The following TLN2 variants were observed in gnomAD, a reference collection of about 807,000 sequenced individuals.
The protein encoded by TLN2 is talin-2.
Under a neutral mutation model 294.7 loss-of-function variants are expected in TLN2, and 118 were observed. That is an observed-to-expected ratio of 0.40 (90% CI 0.34 to 0.47). The LOEUF is 0.47. Among genes scored for constraint, TLN2 ranks in the 20% least tolerant of loss-of-function variants. TLN2 has a pLI of 0.84. For synonymous variants in TLN2, 1,431 were observed against 1,304.5 expected (o/e 1.10, Z -2.09); for missense variants, 3,083 against 3,282.2 (o/e 0.94, Z 1.48).
At chr15:62,793,057 G>A (rs572515817) in intron 46 of TLN2, among the ~76,000 whole-genome samples, 4 of 152,310 alleles carry the variant, frequency 2.6e-5, no homozygotes, top group South Asian at 4.2e-4. Flanking sequence ...GGGCTTCCCC[G>A]TAGGCAGATT....
chr15:62,762,090 A>G (rs930078411), intron 38 of TLN2, among the ~76,000 whole-genome samples, 182 bp from the exon 39 acceptor site: 27 of 152,214 alleles, frequency 1.8e-4, no homozygotes, highest in African/African-American at 6.5e-4. Flanking sequence ...TTAAGGGGCA[A>G]ACATGGGCTT....
At chr15:62,418,642 AAG>A (rs1320519341) in intron 1 of TLN2, among the ~76,000 whole-genome samples, 3 of 152,338 alleles carry the variant, frequency 2.0e-5, no homozygotes, top group African/African-American at 4.8e-5. Context: ...TGAGTCAGAA[AAG>A]AGAGTCAGTA....
Position 62,717,595 on chromosome 15 carries a change from C to T in TLN2, c.2783C>T (p.Ala928Val). ...CTGCAGGTTGCAGCCAAGCAGGCCG[C>T]AGCGGCAGCCACACAGACCATCGCC... ...NRLEVAAKQAAAAATQTIAAS... is the reference protein window; with the variant it reads ...NRLEVAAKQAVAAATQTIAAS... The change falls in exon 24 of 59, where the codon GCA (alanine) becomes GTA (valine). Residue 928 changes from alanine to valine, a missense_variant. By Grantham distance (64) the Ala-to-Val change is moderately conservative. Coordinates refer to ENST00000636159, the MANE Select transcript of TLN2 (RefSeq NM_015059.3). 1 of 1,583,854 alleles carries T rather than the reference C, an allele frequency of 6.3e-7. No individual in the cohort carries two copies. The highest frequency in any genetic ancestry group is 8.6e-7 in the Non-Finnish European group (1 of 1,168,420).
chr15:62,575,943 G>A (rs2044356789), intron 1 of TLN2, among the ~76,000 whole-genome samples: 1 of 152,152 alleles, frequency 6.6e-6, no homozygotes, highest in Non-Finnish European at 1.5e-5. Flanking sequence ...TCATAAGTCA[G>A]ATGTAATTTT....
chr15:62,560,046 A>C (rs1463023386), intron 1 of TLN2, among the ~76,000 whole-genome samples: 3 of 152,122 alleles, frequency 2.0e-5, no homozygotes, highest in Non-Finnish European at 4.4e-5. Context: ...TGGCCTGGAA[A>C]TGGATTAACT....
At chr15:62,515,017 G>A (rs191637499) in intron 1 of TLN2, among the ~76,000 whole-genome samples, 13 of 152,214 alleles carry the variant, frequency 8.5e-5, no homozygotes, top group African/African-American at 3.1e-4. Context: ...TTAAGAGCAC[G>A]TGAACCTTGG....
At chr15:62,534,753 C>T (rs979731819) in intron 1 of TLN2, among the ~76,000 whole-genome samples, 1 of 152,166 alleles carries the variant, frequency 6.6e-6, no homozygotes, top group Admixed American at 6.5e-5. Context: ...GGCCCCTAGT[C>T]ATCAGTCATC....
At chr15:62,505,164 G>T (rs1049888499) in intron 1 of TLN2, among the ~76,000 whole-genome samples, 1 of 152,004 alleles carries the variant, frequency 6.6e-6, no homozygotes, top group African/African-American at 2.4e-5. Context: ...TCACCATGTT[G>T]GCCAGGCCAG....
At chr15:62,555,417 A>G (rs1279488262) in intron 1 of TLN2, among the ~76,000 whole-genome samples, 1 of 152,232 alleles carries the variant, frequency 6.6e-6, no homozygotes, top group Non-Finnish European at 1.5e-5. Flanking sequence ...CATTGTAGAA[A>G]GCTTCAGAGT....
At chr15:62,542,115 AT>A (rs1352698098) in intron 1 of TLN2, among the ~76,000 whole-genome samples, 1 of 152,060 alleles carries the variant, frequency 6.6e-6, no homozygotes, top group Non-Finnish European at 1.5e-5. Context: ...AGTAAGTGTT[AT>A]CTTCATTTTT....
At chr15:62,814,810 A>T (rs886123016) in intron 52 of TLN2, among the ~76,000 whole-genome samples, 4 of 152,342 alleles carry the variant, frequency 2.6e-5, no homozygotes, top group East Asian at 3.9e-4. Context: ...CCAAAAATAA[A>T]TTCACGTTCA....
Position 62,766,405 on chromosome 15 carries a change from G to C in TLN2, c.5179G>C (p.Ala1727Pro). ...PIATAARGEA[A>P]QLGHKVTQLA... ...CGCCACAGCGGCTCGGGGAGAAGCA[G>C]CTCAGCTGGGACATAAGGTAATGCA... is the stretch of plus-strand genomic sequence containing the variant. The change falls in exon 41 of 59, where the codon GCT (alanine) becomes CCT (proline). Residue 1727 changes from alanine (A) to proline (P), a missense_variant. Physicochemically the swap from Ala to Pro is conservative, Grantham distance 27 (BLOSUM62 -1). Transcript: ENST00000636159. 6.2e-7 allele frequency: 1 copy of C among 1,611,630 alleles called. No individual in the cohort carries two copies. The highest frequency in any genetic ancestry group is 8.5e-7 in the Non-Finnish European group (1 of 1,177,918).
At chr15:62,391,843 G>A (rs919206896) in intron 1 of TLN2, among the ~76,000 whole-genome samples, 7 of 152,254 alleles carry the variant, frequency 4.6e-5, no homozygotes, top group Non-Finnish European at 1.0e-4. Flanking sequence ...CAGGGAACAC[G>A]CCCCTCTTCC....
intron 34 of TLN2, among the ~76,000 whole-genome samples, chr15:62,750,884 G>A (rs2061900264): frequency 6.6e-6 from 1 of 152,064 alleles, no homozygotes. Context: ...AACTGATTTG[G>A]AAAGTCCTTC....
At chr15:62,459,490 T>C (rs939849793) in intron 1 of TLN2, among the ~76,000 whole-genome samples, 4 of 152,086 alleles carry the variant, frequency 2.6e-5, no homozygotes, top group African/African-American at 9.7e-5. Flanking sequence ...GTAAAAAATT[T>C]ATGATAGAGG....
chr15:62,534,899 C>T (rs1456999177), intron 1 of TLN2, among the ~76,000 whole-genome samples: 1 of 152,170 alleles, frequency 6.6e-6, no homozygotes, highest in Non-Finnish European at 1.5e-5. Context: ...CTTTCTGCTT[C>T]TCTACACAGA....
chr15:62,486,727 C>T (rs1179446370), intron 1 of TLN2, among the ~76,000 whole-genome samples: 3 of 150,766 alleles, frequency 2.0e-5, no homozygotes. Context: ...ATAACATAAT[C>T]TATCTGTTGT....
At chr15:62,609,846 T>A (rs2047767891) in intron 2 of TLN2, among the ~76,000 whole-genome samples, 1 of 152,208 alleles carries the variant, frequency 6.6e-6, no homozygotes, top group Non-Finnish European at 1.5e-5. Flanking sequence ...TATTTATTCA[T>A]TTATTTATAC....
At chr15:62,638,586 G>A (rs1012838010) in intron 3 of TLN2, 9 of 455,900 alleles carry the variant, frequency 2.0e-5, no homozygotes, top group African/African-American at 1.6e-4. Flanking sequence ...ACTTTGGGAA[G>A]GTCTCTTGAC....
Sources: gnomAD v4.1 joint callset for allele counts (sites outside exome capture counted in the v4.1 genomes callset) on GRCh38, gnomAD v4.1.1 for gene constraint, MANE v1.5 for transcripts, NCBI Gene and HGNC (gene_info 2026-07-23, HGNC 2026-07-21) for gene names.